ENKUR: variants seen among roughly 807,000 people sequenced by gnomAD.
The protein encoded by ENKUR is enkurin, TRPC channel interacting protein, also known as enkurin.
A neutral mutation model predicts 27.6 loss-of-function variants in ENKUR; 19 were observed. That is an observed-to-expected ratio of 0.69 (90% CI 0.48 to 1.01). The LOEUF (loss-of-function observed/expected upper bound fraction) is 1.01. Among genes scored for constraint, ENKUR ranks in the 50% least tolerant of loss-of-function variants. The pLI is 0.00. For missense variants in ENKUR, 312 were observed against 310.5 expected (o/e 1.00, Z -0.04); for synonymous variants, 117 against 96.9 (o/e 1.21, Z -1.22).
At chr10:25,056,523 G>T (rs759285270) in intron 2 of ENKUR, among the ~76,000 whole-genome samples, 1 of 152,202 alleles carries the variant, frequency 6.6e-6, no homozygotes, top group East Asian at 1.9e-4. Context: ...AGAACATACA[G>T]TTGTTAAGTC....
At chr10:25,036,891 G>C (rs1457997186) in intron 2 of ENKUR, among the ~76,000 whole-genome samples, 12 of 152,162 alleles carry the variant, frequency 7.9e-5, no homozygotes, top group African/African-American at 2.4e-4. Flanking sequence ...TTCAGGCTAT[G>C]ATGGTGTTTT....
At chr10:25,061,730 C>A (rs760854401) in intron 1 of ENKUR, among the ~76,000 whole-genome samples, 1 of 152,160 alleles carries the variant, frequency 6.6e-6, no homozygotes, top group Non-Finnish European at 1.5e-5. Context: ...TAGTGGGTGA[C>A]TTCCAGCAGC....
chr10:25,050,390 A>T (rs1373537587), intron 2 of ENKUR, among the ~76,000 whole-genome samples: 2 of 152,234 alleles, frequency 1.3e-5, no homozygotes, highest in Non-Finnish European at 2.9e-5. Context: ...ATGGCTAGGG[A>T]GGCCTCACAA....
At chr10:25,024,804 T>A in intron 2 of ENKUR, 1 of 1,614,178 alleles carries the variant, frequency 6.2e-7, no homozygotes, top group Non-Finnish European at 8.5e-7. Context: ...GAATCCCGAT[T>A]CGAAAATTTA....
chr10:25,020,461 G>A (rs1006298298), upstream of ENKUR, among the ~76,000 whole-genome samples: 7 of 152,078 alleles, frequency 4.6e-5, no homozygotes, highest in South Asian at 6.2e-4. Context: ...AATATAAAGC[G>A]GAAGAAAAGA....
At chr10:25,003,256 G>C (rs1289410502) in intron 1 of ENKUR, among the ~76,000 whole-genome samples, 1 of 151,948 alleles carries the variant, frequency 6.6e-6, no homozygotes, top group Non-Finnish European at 1.5e-5. Flanking sequence ...GCCCAGGCTG[G>C]AGTGCAGTGG....
intron 2 of ENKUR, 129 bp downstream of exon 2, chr10:24,999,272 T>C: frequency 1.1e-6 from 1 of 901,200 alleles, no homozygotes; most frequent in Non-Finnish European, 1.6e-6. Flanking sequence ...TTTCTCCTAG[T>C]CAAATTCTGT....
At chr10:25,027,175 A>G (rs1277158685) in intron 2 of ENKUR, among the ~76,000 whole-genome samples, 1 of 151,070 alleles carries the variant, frequency 6.6e-6, no homozygotes, top group Non-Finnish European at 1.5e-5. Flanking sequence ...ACCAACATGG[A>G]GAAACCCTGT....
At chr10:25,045,668 ACTTCT>A (rs1389109392) in intron 2 of ENKUR, among the ~76,000 whole-genome samples, 3 of 152,134 alleles carry the variant, frequency 2.0e-5, no homozygotes, top group Non-Finnish European at 4.4e-5. Flanking sequence ...AAAGAATCCC[ACTTCT>A]CTTCTGCTTA....
chr10:25,061,022 T>A (rs560199265), intron 2 of ENKUR: 1 of 1,301,964 alleles, frequency 7.7e-7, no homozygotes, highest in Admixed American at 2.0e-5. Flanking sequence ...CCCTTATGTT[T>A]CTTTAGATGA....
chr10:25,027,982 A>T (rs928154062), intron 2 of ENKUR, among the ~76,000 whole-genome samples: 3 of 152,234 alleles, frequency 2.0e-5, no homozygotes, highest in Admixed American at 2.0e-4. Context: ...AAAATGAGTG[A>T]TAACAGCTAA....
chr10:24,989,360 G>A (rs1367108456), intron 4 of ENKUR, among the ~76,000 whole-genome samples: 2 of 152,154 alleles, frequency 1.3e-5, no homozygotes, highest in Admixed American at 6.5e-5. Context: ...GGATGCTGCT[G>A]TCAGCAAAGA....
intron 1 of ENKUR, among the ~76,000 whole-genome samples, chr10:25,002,139 C>T (rs1850200623): frequency 6.6e-6 from 1 of 152,194 alleles, no homozygotes; most frequent in African/African-American, 2.4e-5. Flanking sequence ...AGGCAATATA[C>T]TTCTGAGTGC....
Position 25,003,898 on chromosome 10 carries a change from C to T in ENKUR, c.78-4352G>A, listed in dbSNP as rs962823358. Among the ~76,000 whole-genome samples the T allele has an allele frequency of 2.0e-5, 3 of 152,190 alleles. No homozygotes were observed. In the South Asian group the frequency reaches 6.2e-4, roughly 31 times the overall value. ...GTGTTCATGTGTTATCACCATTTAG[C>T]TCTCACTTTAAGTGAGAATTTAGCA... On this transcript the variant is annotated intron_variant, in intron 1 of 5. Coordinates refer to ENST00000331161, the MANE Select transcript of ENKUR (RefSeq NM_145010.4).
chr10:25,038,099 G>A (rs1851026155), intron 2 of ENKUR, among the ~76,000 whole-genome samples: 1 of 152,102 alleles, frequency 6.6e-6, no homozygotes, highest in African/African-American at 2.4e-5. Context: ...GATACTTCCA[G>A]TTCTCTCTAG....
At chr10:25,032,006 G>C (rs1850940411) in intron 2 of ENKUR, among the ~76,000 whole-genome samples, 1 of 152,054 alleles carries the variant, frequency 6.6e-6, no homozygotes, top group Non-Finnish European at 1.5e-5. Flanking sequence ...AAATTCATTT[G>C]AAATTTGTTT....
upstream of ENKUR, among the ~76,000 whole-genome samples, chr10:25,020,520 A>G (rs1297979889): frequency 2.6e-5 from 4 of 152,052 alleles, no homozygotes; most frequent in African/African-American, 4.8e-5. Context: ...TAATCCCAGC[A>G]CTTTGGGAGG....
chr10:24,995,018 CT>C (rs1310468232), intron 3 of ENKUR, among the ~76,000 whole-genome samples: 1 of 151,866 alleles, frequency 6.6e-6, no homozygotes, highest in African/African-American at 2.4e-5. Context: ...GAGAATATGT[CT>C]CAAAAAAAAT....
chr10:25,047,402 T>G (rs1334710174), intron 2 of ENKUR, among the ~76,000 whole-genome samples: 1 of 152,230 alleles, frequency 6.6e-6, no homozygotes, highest in Non-Finnish European at 1.5e-5. Context: ...TTATTTTGGC[T>G]GAAGACTTCC....
Sources: allele counts gnomAD v4.1 joint callset (sites outside exome capture counted in the v4.1 genomes callset), GRCh38; gene constraint gnomAD v4.1.1; transcripts MANE v1.5; gene names NCBI Gene and HGNC (gene_info 2026-07-23, HGNC 2026-07-21).